Variants in IPCEF1 observed in about 807,000 individuals in gnomAD.
IPCEF1 encodes interactor protein for cytohesin exchange factors 1.
IPCEF1 carries 31 observed loss-of-function variants against 50.9 expected under a neutral mutation model. The ratio of observed to expected loss-of-function variants is 0.61; its 90% CI spans 0.46 to 0.82. The LOEUF (loss-of-function observed/expected upper bound fraction) is 0.82. Among genes scored for constraint, IPCEF1 ranks in the 40% least tolerant of loss-of-function variants. The pLI, the probability that IPCEF1 is intolerant of heterozygous loss-of-function variation, is 0.00. For missense variants in IPCEF1, 458 were observed against 514.0 expected, an observed-to-expected ratio of 0.89 and a Z score of 1.05; for synonymous variants, 181 against 192.0, an observed-to-expected ratio of 0.94 and a Z score of 0.47.
At chr6:154,277,466 A>C (rs947666464) in intron 2 of IPCEF1, among the ~76,000 whole-genome samples, 1 of 152,230 alleles carries the variant, frequency 6.6e-6, no homozygotes, top group Non-Finnish European at 1.5e-5. Context: ...AGAACACCTA[A>C]GTACAATATT....
chr6:154,348,381 A>C (rs1409796751), intron 1 of IPCEF1, among the ~76,000 whole-genome samples: 2 of 152,196 alleles, frequency 1.3e-5, no homozygotes, highest in Non-Finnish European at 2.9e-5. Flanking sequence ...AGAGAGTTCA[A>C]GTTCAGGCAC....
chr6:154,279,080 G>A (rs1047096000), intron 2 of IPCEF1, among the ~76,000 whole-genome samples: 3 of 150,446 alleles, frequency 2.0e-5, no homozygotes, highest in African/African-American at 2.5e-5. Flanking sequence ...AGTTGAGATC[G>A]TGCCACCGCA....
chr6:154,247,527 A>G (rs766500752), intron 3 of IPCEF1, 39 bp from the exon 4 acceptor site: 8 of 1,582,074 alleles, frequency 5.1e-6, no homozygotes, highest in Non-Finnish European at 6.9e-6. Context: ...GAAATTTCTG[A>G]TTGTGTTGTA....
chr6:154,187,060 C>G (rs1046564520), intron 10 of IPCEF1, among the ~76,000 whole-genome samples: 1 of 152,186 alleles, frequency 6.6e-6, no homozygotes, highest in African/African-American at 2.4e-5. Context: ...ACTCTGTCTT[C>G]CTGCCGCTAG....
chr6:154,260,722 C>T (rs754010547), intron 3 of IPCEF1, among the ~76,000 whole-genome samples: 44 of 152,116 alleles, frequency 2.9e-4, no homozygotes, highest in Non-Finnish European at 5.0e-4. Flanking sequence ...CCACCTGTCT[C>T]GGCCTCCCAA....
At chr6:154,295,875 A>G (rs953844503) in intron 1 of IPCEF1, among the ~76,000 whole-genome samples, 13 of 139,818 alleles carry the variant, frequency 9.3e-5, no homozygotes, top group South Asian at 7.1e-4. Context: ...ACGCACACAC[A>G]CACACACACA....
chr6:154,340,218 C>T (rs1584006111), intron 1 of IPCEF1, among the ~76,000 whole-genome samples: 2 of 151,736 alleles, frequency 1.3e-5, no homozygotes, highest in South Asian at 2.1e-4. Flanking sequence ...CAGGGCACAG[C>T]TTGGTTTTAT....
intron 9 of IPCEF1, among the ~76,000 whole-genome samples, chr6:154,212,534 C>A (rs1403661729): frequency 6.6e-6 from 1 of 152,198 alleles, no homozygotes; most frequent in African/African-American, 2.4e-5. Context: ...CTCATGAATT[C>A]TCTGAGTACG....
chr6:154,355,043 C>T (rs1037041420), intron 1 of IPCEF1, among the ~76,000 whole-genome samples: 1 of 126,924 alleles, frequency 7.9e-6, no homozygotes, highest in Admixed American at 8.2e-5. Context: ...CACACACACA[C>T]ACCATTTGCC....
rs1201185993 is a variant in IPCEF1, at chr6:154,329,954, G to A, written c.-62+26718C>T. 4 of 152,504 alleles carry A rather than the reference G, an allele frequency of 2.6e-5. No individual in the cohort carries two copies. In the East Asian group the frequency reaches 7.7e-4, roughly 29 times the overall value. 9.4% of individuals were successfully genotyped at this position (152,504 alleles called of 1,614,324 possible). ...CCAGCCCCACTCTGGCCTCCGTGCT[G>A]TCCAAACTTCTTACTAGTTTGTAGC... is the stretch of plus-strand genomic sequence containing the variant. On this transcript the variant is annotated intron_variant, in intron 1 of 11. Transcript: ENST00000367220.
At chr6:154,320,979 C>T (rs928621341) in intron 1 of IPCEF1, among the ~76,000 whole-genome samples, 2 of 152,150 alleles carry the variant, frequency 1.3e-5, no homozygotes, top group Admixed American at 6.5e-5. Context: ...GTTGCCCAGG[C>T]TGGAGCACAG....
At chr6:154,309,390 G>A (rs552654259) in intron 1 of IPCEF1, among the ~76,000 whole-genome samples, 1 of 152,306 alleles carries the variant, frequency 6.6e-6, no homozygotes, top group South Asian at 2.1e-4. Context: ...CACAACATGT[G>A]TTTAATGACA....
chr6:154,251,445 G>T (rs527525357), intron 3 of IPCEF1, among the ~76,000 whole-genome samples: 1 of 152,234 alleles, frequency 6.6e-6, no homozygotes, highest in African/African-American at 2.4e-5. Context: ...ATCATATCAT[G>T]CTCGCATGTG....
intron 10 of IPCEF1, among the ~76,000 whole-genome samples, chr6:154,169,890 CTT>C (rs1216459671): frequency 3.9e-5 from 6 of 152,122 alleles, no homozygotes; most frequent in Non-Finnish European, 7.4e-5. Flanking sequence ...AGTAATCTCT[CTT>C]TTTTCTTAAG....
chr6:154,286,958 C>T (rs563777435), intron 2 of IPCEF1, among the ~76,000 whole-genome samples: 3 of 152,224 alleles, frequency 2.0e-5, no homozygotes, highest in South Asian at 2.1e-4. Flanking sequence ...GACTGGATCA[C>T]GGGGGTGGAT....
At chr6:154,186,254 G>C (rs138903849) in intron 10 of IPCEF1, among the ~76,000 whole-genome samples, 148 of 152,306 alleles carry the variant, frequency 9.7e-4, no homozygotes, top group Non-Finnish European at 1.7e-3. Flanking sequence ...ATATCTCCAA[G>C]TGTTAGGTCT....
chr6:154,159,675 T>G lies in IPCEF1; in HGVS notation c.*153A>C. The G allele has an allele frequency of 3.1e-6, 2 of 650,610 alleles. No homozygotes were observed. Among genetic ancestry groups the G allele is most frequent in the South Asian group, 1.8e-5 (1 of 55,654 alleles). 40.3% of individuals were successfully genotyped at this position (650,610 alleles called of 1,614,324 possible). A position where few individuals can be genotyped will look rare whatever the true frequency, so the allele number is the denominator to read the frequency against. On this transcript the variant is annotated 3_prime_UTR_variant, in exon 12 of 12. Transcript: ENST00000367220. The stretch of plus-strand genomic sequence containing the variant: ...AAATGAGGAGCCCTGGTGTATTCGG[T>G]GATTATCTTCATCTAACGTGCATCT...
chr6:154,238,697 T>A (rs562398049), intron 5 of IPCEF1, among the ~76,000 whole-genome samples: 1 of 152,206 alleles, frequency 6.6e-6, no homozygotes, highest in Admixed American at 6.5e-5. Context: ...ACCTTTTTTA[T>A]AATTTTTATT....
chr6:154,346,629 G>T (rs1010260262), intron 1 of IPCEF1, among the ~76,000 whole-genome samples: 20 of 152,198 alleles, frequency 1.3e-4, no homozygotes, highest in Non-Finnish European at 2.6e-4. Context: ...GGCCAGGGAG[G>T]CCTCAAGAAA....
Sources: allele counts gnomAD v4.1 joint callset (sites outside exome capture counted in the v4.1 genomes callset), GRCh38; gene constraint gnomAD v4.1.1; transcripts MANE v1.5; gene names NCBI Gene and HGNC (gene_info 2026-07-23, HGNC 2026-07-21).